PDK1: variants seen among roughly 807,000 people sequenced by gnomAD.
PDK1 encodes the protein [Pyruvate dehydrogenase (acetyl-transferring)] kinase isozyme 1, mitochondrial.
In PDK1, 39 loss-of-function variants were observed where a neutral mutation model predicts 54.2. The observed-to-expected ratio is 0.72, with a 90% CI of 0.56 to 0.94. The LOEUF is 0.94. Among genes scored for constraint, PDK1 ranks in the 40% least tolerant of loss-of-function variants. PDK1 has a pLI of 0.00. For synonymous variants in PDK1, 221 were observed against 207.1 expected (o/e 1.07, Z -0.58); for missense variants, 552 against 566.0 (o/e 0.98, Z 0.25).
chr2:172,567,202 A>T (rs1689003797), intron 6 of PDK1, among the ~76,000 whole-genome samples: 1 of 152,158 alleles, frequency 6.6e-6, no homozygotes, highest in Admixed American at 6.5e-5. Flanking sequence ...CTGTTTAGTC[A>T]TAGAAAGAAA....
chr2:172,713,244 G>C, the PDK1 span, among the ~76,000 whole-genome samples: 1 of 152,240 alleles, frequency 6.6e-6, no homozygotes, highest in South Asian at 2.1e-4. Context: ...TCAGAGAGGA[G>C]GACCTATGTG....
chr2:172,583,567 A>C (rs1690042512), intron 8 of PDK1, among the ~76,000 whole-genome samples: 2 of 152,002 alleles, frequency 1.3e-5, no homozygotes, highest in African/African-American at 4.8e-5. Flanking sequence ...TGCTGGGTTT[A>C]TAGGTGTAAG....
Position 172,562,226 on chromosome 2 carries a change from C to A in PDK1, c.345C>A (p.Ile115=). The A allele has an allele frequency of 1.9e-6, 3 of 1,568,838 alleles. No homozygotes were observed. Among genetic ancestry groups the A allele is most frequent in the Non-Finnish European group, 2.6e-6 (3 of 1,139,512 alleles). Residue 115 remains isoleucine, a synonymous_variant, in exon 3 of 11, where the codon ATC becomes ATA. Coordinates refer to ENST00000282077, the MANE Select transcript of PDK1 (RefSeq NM_002610.5). ...PSVQLVQSWY[I]QSLQELLDFK... is the part of the protein sequence containing the mutation. The stretch of plus-strand genomic sequence containing the variant: ...CTATTGATCTGCATTTTAGGTATAT[C>A]CAGAGTCTTCAGGAGCTTCTTGATT...
intron 8 of PDK1, among the ~76,000 whole-genome samples, chr2:172,578,771 T>G (rs1217987254): frequency 6.6e-6 from 1 of 152,114 alleles, no homozygotes; most frequent in African/African-American, 2.4e-5. Context: ...TCTTTTAAGT[T>G]TGAATTCTTT....
the PDK1 span, among the ~76,000 whole-genome samples, chr2:172,622,470 CATATTATGTGAGATATGTTTATATCTCAT>C: frequency 7.5e-5 from 10 of 134,028 alleles, no homozygotes; most frequent in South Asian, 8.0e-4. Flanking sequence ...GTTTATATCT[CATATTATGTGAGATATGTTTATATCTCAT>C]ATATTATGTG....
intron 1 of PDK1, chr2:172,556,565 A>G (rs1036375026): frequency 7.3e-6 from 3 of 409,088 alleles, no homozygotes; most frequent in African/African-American, 6.3e-5. Context: ...CTTTGACCGT[A>G]TTGTTGAAAA....
At chr2:172,693,811 A>G in the PDK1 span, among the ~76,000 whole-genome samples, 1 of 152,102 alleles carries the variant, frequency 6.6e-6, no homozygotes, top group Non-Finnish European at 1.5e-5. Flanking sequence ...AGGAAGCTCA[A>G]TCCACACAGT....
chr2:172,622,609 T>C, the PDK1 span, among the ~76,000 whole-genome samples: 1 of 148,438 alleles, frequency 6.7e-6, no homozygotes, highest in Non-Finnish European at 1.5e-5. Flanking sequence ...TCATATATTA[T>C]GTGAGATATG....
In PDK1 at chr2:172,601,795, A is replaced by T. The variant is rs1370809518; in HGVS notation, c.*5826A>T. 6.6e-6 allele frequency: 1 copy of T among 152,212 alleles called. No homozygotes were observed. The highest frequency in any genetic ancestry group is 2.4e-5 in the African/African-American group (1 of 41,462). The allele number at this position is 152,212 out of a possible 1,614,324, so 9.4% of individuals were successfully genotyped here. A position where few individuals can be genotyped will look rare whatever the true frequency, so the allele number is the denominator to read the frequency against. ...GGCTGCAGCAGAAGGGACCCTTCAG[A>T]TAAACCTCCAGTCAGGAAAGGAAAA... On this transcript the variant is annotated 3_prime_UTR_variant, in exon 11 of 11. Coordinates refer to ENST00000282077, the MANE Select transcript of PDK1 (RefSeq NM_002610.5).
At chr2:172,636,318 G>A in the PDK1 span, among the ~76,000 whole-genome samples, 13 of 152,282 alleles carry the variant, frequency 8.5e-5, no homozygotes, top group African/African-American at 2.6e-4. Context: ...TTTCACTCCC[G>A]GAGGAAGACA....
At chr2:172,654,117 C>A in the PDK1 span, among the ~76,000 whole-genome samples, 107 of 152,244 alleles carry the variant, frequency 7.0e-4, 1 homozygote, top group East Asian at 0.02. Flanking sequence ...AGTCAGGAAA[C>A]AACAGGTGCT....
At chr2:172,558,371 T>C in intron 1 of PDK1, 1 of 191,644 alleles carries the variant, frequency 5.2e-6, no homozygotes, top group Non-Finnish European at 1.1e-5. Context: ...GTTCTGCTGT[T>C]AATTTTATAA....
At chr2:172,652,924 C>G in the PDK1 span, among the ~76,000 whole-genome samples, 1 of 152,108 alleles carries the variant, frequency 6.6e-6, no homozygotes, top group South Asian at 2.1e-4. Flanking sequence ...CAATGGCATC[C>G]CCATCAAGCT....
chr2:172,714,787 A>G, the PDK1 span, among the ~76,000 whole-genome samples: 1 of 152,140 alleles, frequency 6.6e-6, no homozygotes, highest in East Asian at 1.9e-4. Flanking sequence ...ATTATTGGCC[A>G]TTTTTATATG....
chr2:172,714,088 T>G, the PDK1 span, among the ~76,000 whole-genome samples: 1 of 152,240 alleles, frequency 6.6e-6, no homozygotes, highest in Non-Finnish European at 1.5e-5. Flanking sequence ...TTTATTTCAC[T>G]TCATTAGAGT....
chr2:172,571,967 GA>G (rs994836039), intron 8 of PDK1, among the ~76,000 whole-genome samples: 27 of 151,494 alleles, frequency 1.8e-4, no homozygotes, highest in Non-Finnish European at 2.4e-4. Context: ...GAGTAGCTGG[GA>G]TAACAGGCAC....
At chr2:172,702,601 T>G in the PDK1 span, among the ~76,000 whole-genome samples, 1 of 144,588 alleles carries the variant, frequency 6.9e-6, no homozygotes, top group African/African-American at 2.7e-5. Context: ...GCCTCCTAAC[T>G]GCCTTTTTTT....
the PDK1 span, among the ~76,000 whole-genome samples, chr2:172,624,424 A>T: frequency 1.3e-5 from 2 of 152,162 alleles, no homozygotes; most frequent in African/African-American, 4.8e-5. Flanking sequence ...GGTGAACCCC[A>T]TTGAGAACTG....
chr2:172,613,536 C>T (rs1020974669), downstream of PDK1, among the ~76,000 whole-genome samples: 1 of 151,946 alleles, frequency 6.6e-6, no homozygotes, highest in African/African-American at 2.4e-5. Flanking sequence ...CTCACTGCAG[C>T]GTCAAACACC....
Sources: gnomAD v4.1 joint callset for allele counts (sites outside exome capture counted in the v4.1 genomes callset) on GRCh38, gnomAD v4.1.1 for gene constraint, MANE v1.5 for transcripts, NCBI Gene and HGNC (gene_info 2026-07-23, HGNC 2026-07-21) for gene names.